GPR84: variants seen among roughly 807,000 people sequenced by gnomAD.
GPR84 encodes G protein-coupled receptor 84.
A neutral mutation model predicts 14.9 loss-of-function variants in GPR84; 8 were observed. The observed-to-expected ratio is 0.54, with a 90% CI of 0.31 to 0.97. GPR84 has a LOEUF of 0.97. Ranked by LOEUF, GPR84 falls within the 50% of genes least tolerant of loss-of-function variation. The probability of loss-of-function intolerance (pLI) is 0.04; values close to 1 mark genes in which losing one functional copy is unlikely to be tolerated. For missense variants in GPR84, 424 were observed against 498.7 expected (o/e 0.85, Z 1.43); for synonymous variants, 164 against 198.1 (o/e 0.83, Z 1.45).
downstream of GPR84, among the ~76,000 whole-genome samples, chr12:54,359,707 G>C (rs1954249936): frequency 6.6e-6 from 1 of 152,148 alleles, no homozygotes; most frequent in Non-Finnish European, 1.5e-5. Flanking sequence ...CATGAGCAAC[G>C]CACCACGAGG....
chr12:54,357,955 C>G (rs1383495113), downstream of GPR84, among the ~76,000 whole-genome samples: 14 of 152,160 alleles, frequency 9.2e-5, no homozygotes, highest in Admixed American at 9.2e-4. Context: ...AGGGGCTCTA[C>G]AGGATAGTCA....
At chr12:54,360,155 T>C (rs1954254307), downstream of GPR84, among the ~76,000 whole-genome samples, 1 of 152,156 alleles carries the variant, frequency 6.6e-6, no homozygotes, top group Non-Finnish European at 1.5e-5. Flanking sequence ...ATCCTAGTTT[T>C]AGAAAGGCGG....
downstream of GPR84, among the ~76,000 whole-genome samples, chr12:54,357,915 C>T (rs1954226124): frequency 6.6e-6 from 1 of 152,154 alleles, no homozygotes; most frequent in Admixed American, 6.5e-5. Context: ...GCCTTCAATC[C>T]TTTCTGCTGC....
the GPR84 span, among the ~76,000 whole-genome samples, chr12:54,353,380 C>G: frequency 2.6e-5 from 4 of 151,930 alleles, no homozygotes; most frequent in African/African-American, 7.3e-5. Context: ...GGGAAAGTGG[C>G]TACAGCCTGA....
the GPR84 span, among the ~76,000 whole-genome samples, chr12:54,357,147 G>A: frequency 6.6e-6 from 1 of 152,080 alleles, no homozygotes; most frequent in African/African-American, 2.4e-5. Flanking sequence ...CTGCCCATCC[G>A]TCTTCTGACA....
downstream of GPR84, among the ~76,000 whole-genome samples, chr12:54,360,994 A>G (rs1225647228): frequency 1.3e-5 from 2 of 152,144 alleles, no homozygotes; most frequent in East Asian, 1.9e-4. Flanking sequence ...TGTGTCCTCA[A>G]CTGGGAAGCC....
At chr12:54,358,353 G>C (rs2137124817), downstream of GPR84, among the ~76,000 whole-genome samples, 1 of 152,186 alleles carries the variant, frequency 6.6e-6, no homozygotes, top group South Asian at 2.1e-4. Flanking sequence ...GAGCCTTTCT[G>C]TCAATATTTC....
chr12:54,363,413 C>T lies in GPR84; in HGVS notation c.439G>A (p.Val147Met). 2 of 1,614,056 alleles carry T rather than the reference C, an allele frequency of 1.2e-6. No homozygotes were observed. Among genetic ancestry groups the T allele is most frequent in the Non-Finnish European group, 1.7e-6 (2 of 1,179,938 alleles). ...AGGGGAGCAAAGCTGGCCACGCCCA[C>T]AACCCAGGTGCTCACCAGTGCCAGC... ...IVLALVSTWVVGVASFAPLWP... is the reference protein window; with the variant it reads ...IVLALVSTWVMGVASFAPLWP... The change falls in exon 2 of 2, where the codon GTG becomes ATG. Residue 147 changes from valine (V) to methionine (M), a missense_variant. Transcript: ENST00000267015.
intron 1 of GPR84, chr12:54,364,169 A>C: frequency 4.4e-6 from 1 of 225,262 alleles, no homozygotes; most frequent in Admixed American, 5.0e-5. Context: ...GCTCTCAGTA[A>C]ACCCAGTGCC....
chr12:54,362,290 G>A (rs1954276918), downstream of GPR84, among the ~76,000 whole-genome samples: 1 of 152,106 alleles, frequency 6.6e-6, no homozygotes, highest in African/African-American at 2.4e-5. This position sits in a 1 kb window ranked among gnomAD's most constrained non-coding sequence, Gnocchi z 4.0. Flanking sequence ...TCCAGCTCCT[G>A]GTGGCCACAG....
intron 1 of GPR84, 167 bp from the exon 2 acceptor site, chr12:54,364,026 C>T: frequency 3.8e-6 from 2 of 524,444 alleles, no homozygotes; most frequent in South Asian, 6.7e-5. Flanking sequence ...AGATCCCTAA[C>T]TCTCTCCTTA....
the GPR84 span, among the ~76,000 whole-genome samples, chr12:54,354,203 C>T: frequency 6.6e-6 from 1 of 151,746 alleles, no homozygotes; most frequent in Non-Finnish European, 1.5e-5. Context: ...CAGTCTCGAC[C>T]TCCCTGGGCT....
downstream of GPR84, among the ~76,000 whole-genome samples, chr12:54,359,188 C>T (rs1456747315): frequency 6.6e-6 from 1 of 152,126 alleles, no homozygotes; most frequent in South Asian, 2.1e-4. Context: ...CAGCTGCACC[C>T]CCCTCCCCGC....
At position 54,362,690 on chromosome 12, in the gene GPR84, C is replaced by G. The variant is rs1322641885; in HGVS notation, c.1162G>C (p.Gly388Arg). 2 of 1,611,234 alleles carry G rather than the reference C, an allele frequency of 1.2e-6. No homozygotes were observed. Among genetic ancestry groups the G allele is most frequent in the South Asian group, 2.2e-5 (2 of 91,020 alleles). The part of the protein sequence containing the change: ...RQAYGSILKR[G>R]PRSFHRLH ...TGGAGCCTATGGAAACTCCGGGGCC[C>G]TCTTTTTAAAATGGAGCCATATGCT... The change falls in exon 2 of 2, where the codon GGG (glycine) becomes CGG (arginine). Residue 388 changes from glycine (G) to arginine (R), a missense_variant. By Grantham distance (125) the Gly-to-Arg change is moderately radical (BLOSUM62 -2). Coordinates refer to ENST00000267015, the MANE Select transcript of GPR84 (RefSeq NM_020370.3). This position sits in a 1 kb window ranked among gnomAD's most constrained non-coding sequence, Gnocchi z 4.0.
downstream of GPR84, among the ~76,000 whole-genome samples, chr12:54,358,099 C>A (rs894879929): frequency 6.6e-6 from 1 of 152,092 alleles, no homozygotes; most frequent in African/African-American, 2.4e-5. Context: ...CCCAGCTGCA[C>A]CCCCCAGTGG....
At chr12:54,359,016 C>G (rs776831776), downstream of GPR84, among the ~76,000 whole-genome samples, 4 of 152,086 alleles carry the variant, frequency 2.6e-5, no homozygotes, top group Non-Finnish European at 5.9e-5. Context: ...ACCCCAGTTT[C>G]CCCTCCCAGT....
downstream of GPR84, among the ~76,000 whole-genome samples, chr12:54,360,164 G>A (rs150643815): frequency 7.2e-5 from 11 of 152,156 alleles, no homozygotes; most frequent in African/African-American, 2.7e-4. Context: ...TTAGAAAGGC[G>A]GATTTGAGAC....
chr12:54,362,146 A>C (rs1954275876), downstream of GPR84, among the ~76,000 whole-genome samples: 2 of 152,336 alleles, frequency 1.3e-5, no homozygotes, highest in South Asian at 4.1e-4. This position sits in a 1 kb window ranked among gnomAD's most constrained non-coding sequence, Gnocchi z 4.0. Flanking sequence ...TTAAACAAAA[A>C]GGCAGGCTAA....
the GPR84 span, among the ~76,000 whole-genome samples, chr12:54,354,364 G>T: frequency 4.3e-4 from 65 of 152,158 alleles, no homozygotes; most frequent in African/African-American, 1.4e-3. Context: ...TGATCCACCT[G>T]CCTTGGCCTC....
Sources: gnomAD v4.1 joint callset for allele counts (sites outside exome capture counted in the v4.1 genomes callset) on GRCh38, gnomAD v4.1.1 for gene constraint, Gnocchi (gnomAD v3.1) non-coding constraint, MANE v1.5 for transcripts, NCBI Gene and HGNC (gene_info 2026-07-23, HGNC 2026-07-21) for gene names.